The following FAM47E variants were observed in gnomAD, a reference collection of about 807,000 sequenced individuals.
FAM47E encodes the protein protein FAM47E.
A neutral mutation model predicts 41.6 loss-of-function variants in FAM47E; 32 were observed. The observed-to-expected ratio is 0.77, with a 90% CI of 0.58 to 1.03. FAM47E has a LOEUF of 1.03. Ranked by LOEUF, FAM47E falls within the 50% of genes least tolerant of loss-of-function variation. The pLI, the probability that FAM47E is intolerant of heterozygous loss-of-function variation, is 0.00. For synonymous variants in FAM47E, 184 were observed against 188.7 expected (o/e 0.98, Z 0.20); for missense variants, 424 against 485.4 (o/e 0.87, Z 1.19).
chr4:76,262,458 A>G (rs559279315), intron 2 of FAM47E, among the ~76,000 whole-genome samples: 1 of 152,176 alleles, frequency 6.6e-6, no homozygotes, highest in South Asian at 2.1e-4. Flanking sequence ...GTTATTTTTT[A>G]CAATTCACTA....
chr4:76,221,764 C>T (rs763086105), intron 2 of FAM47E, among the ~76,000 whole-genome samples: 3 of 152,168 alleles, frequency 2.0e-5, no homozygotes, highest in African/African-American at 4.8e-5. Flanking sequence ...TGAAGGAGGA[C>T]GTGGGTGAGG....
rs904493473 is a variant in FAM47E, at chr4:76,278,181, A to G, written c.983A>G (p.His328Arg). Residue 328 changes from histidine to arginine, a missense_variant, in exon 6 of 8, where the codon CAT (histidine) becomes CGT (arginine). Physicochemically the swap from His to Arg is conservative, Grantham distance 29 (BLOSUM62 0). Transcript: ENST00000424749. ...CCTCTGGTTGACCCTGAGGTCTCAC[A>G]TAAGGCTCAAGAGGAGAATTTTAAA... ...DEPLVDPEVS[H>R]KAQEENFKKE... 4 of 1,548,340 alleles carry G rather than the reference A, an allele frequency of 2.6e-6. No individual in the cohort carries two copies. Among genetic ancestry groups the G allele is most frequent in the South Asian group, 1.2e-5 (1 of 83,452 alleles).
At chr4:76,251,523 T>A (rs1733961642), upstream of FAM47E, among the ~76,000 whole-genome samples, 1 of 151,932 alleles carries the variant, frequency 6.6e-6, no homozygotes, top group South Asian at 2.1e-4. Context: ...CCCAGCAGAG[T>A]AAAACGTGAT....
intron 3 of FAM47E, among the ~76,000 whole-genome samples, chr4:76,266,353 CT>C: frequency 6.6e-6 from 1 of 152,334 alleles, no homozygotes. Context: ...CAAAACTGAA[CT>C]CTTGTTTTCT....
chr4:76,246,527 G>GC (rs1432987251), intron 2 of FAM47E, among the ~76,000 whole-genome samples: 10 of 151,994 alleles, frequency 6.6e-5, no homozygotes, highest in African/African-American at 2.4e-4. Flanking sequence ...GGAAAATGCT[G>GC]CATTTTTTGC....
In FAM47E at chr4:76,283,372, T is replaced by G. The variant is rs1735441802; in HGVS notation, c.1105-9T>G. On this transcript the variant is annotated splice_polypyrimidine_tract_variant and intron_variant, in intron 7 of 7. Transcript: ENST00000424749. ...CCAATCTAATGAAGGTTCTCTCATT[T>G]TTTTTTAGTTCCTTGAGAATATGTA... 6.6e-7 allele frequency: 1 copy of G among 1,526,156 alleles called. No homozygotes were observed. Among genetic ancestry groups the G allele is most frequent in the Non-Finnish European group, 8.9e-7 (1 of 1,124,514 alleles). 94.5% of individuals were successfully genotyped at this position (1,526,156 alleles called of 1,614,324 possible).
intron 2 of FAM47E, among the ~76,000 whole-genome samples, chr4:76,219,792 C>T (rs770394957): frequency 2.0e-4 from 31 of 152,054 alleles, no homozygotes; most frequent in Non-Finnish European, 3.8e-4. Context: ...CCCCGCCCCT[C>T]ACCACTAACC....
intron 2 of FAM47E, among the ~76,000 whole-genome samples, chr4:76,260,905 A>G (rs2110009849): frequency 6.6e-6 from 1 of 152,138 alleles, no homozygotes; most frequent in East Asian, 1.9e-4. Flanking sequence ...AAAGCCATGA[A>G]GTCTCCCCAG....
upstream of FAM47E, among the ~76,000 whole-genome samples, chr4:76,248,986 T>C (rs1733892580): frequency 6.6e-6 from 1 of 152,134 alleles, no homozygotes; most frequent in African/African-American, 2.4e-5. Flanking sequence ...TCAAACACTA[T>C]TATATATTCC....
intron 2 of FAM47E, among the ~76,000 whole-genome samples, chr4:76,223,027 A>G (rs1733337321): frequency 6.6e-6 from 1 of 152,160 alleles, no homozygotes; most frequent in Non-Finnish European, 1.5e-5. Flanking sequence ...CAGACTAATG[A>G]TAATTGCACA....
intron 3 of FAM47E, among the ~76,000 whole-genome samples, chr4:76,266,030 T>C (rs1734619324): frequency 6.6e-6 from 1 of 152,358 alleles, no homozygotes; most frequent in Non-Finnish European, 1.5e-5. Context: ...TCCTTTGACC[T>C]CTATGTTAAC....
chr4:76,275,435 T>G (rs1481677610), intron 5 of FAM47E, among the ~76,000 whole-genome samples: 1 of 152,222 alleles, frequency 6.6e-6, no homozygotes, highest in Non-Finnish European at 1.5e-5. Flanking sequence ...CCGTCTATAT[T>G]AATTCATCAA....
chr4:76,271,367 T>C (rs1357927614), intron 4 of FAM47E, among the ~76,000 whole-genome samples: 1 of 152,216 alleles, frequency 6.6e-6, no homozygotes, highest in Non-Finnish European at 1.5e-5. Flanking sequence ...CCCTCACTGC[T>C]TCTTGCAAAG....
intron 2 of FAM47E, among the ~76,000 whole-genome samples, chr4:76,224,127 CA>C (rs1160634381): frequency 1.3e-5 from 2 of 152,148 alleles, no homozygotes. Context: ...TTGCAGATTG[CA>C]AAGTCAGAAA....
chr4:76,253,772 C>T (rs1376525309), intron 1 of FAM47E, among the ~76,000 whole-genome samples: 1 of 150,660 alleles, frequency 6.6e-6, no homozygotes, highest in Non-Finnish European at 1.5e-5. Context: ...CCATTGCACT[C>T]CAGCCTGGGT....
At chr4:76,229,957 G>A (rs77514904) in intron 2 of FAM47E, among the ~76,000 whole-genome samples, 8,929 of 152,224 alleles carry the variant, frequency 0.059, 282 homozygotes, top group Middle Eastern at 0.088. Flanking sequence ...GTCCTGAGGT[G>A]GATGATCTCC....
intron 1 of FAM47E, among the ~76,000 whole-genome samples, chr4:76,252,508 G>A (rs1484782918): frequency 6.6e-6 from 1 of 152,120 alleles, no homozygotes; most frequent in African/African-American, 2.4e-5. Flanking sequence ...GGTGACCTTA[G>A]GCAAGTTGGT....
intron 2 of FAM47E, among the ~76,000 whole-genome samples, chr4:76,233,291 G>A (rs1351162698): frequency 6.6e-6 from 1 of 152,102 alleles, no homozygotes; most frequent in Non-Finnish European, 1.5e-5. Flanking sequence ...GGCCTTACCA[G>A]CTGTGAAGCC....
intron 3 of FAM47E, chr4:76,268,022 G>A (rs1217477609): frequency 6.6e-6 from 1 of 152,168 alleles, no homozygotes; most frequent in Admixed American, 6.5e-5. Context: ...CTTTTGAAGT[G>A]GTAAATTTTA....
Sources: gnomAD v4.1 joint callset for allele counts (sites outside exome capture counted in the v4.1 genomes callset) on GRCh38, gnomAD v4.1.1 for gene constraint, MANE v1.5 for transcripts, NCBI Gene and HGNC (gene_info 2026-07-23, HGNC 2026-07-21) for gene names.